Variants in ZSCAN5A observed in about 807,000 individuals in gnomAD.
The protein encoded by ZSCAN5A is zinc finger and SCAN domain-containing protein 5A.
ZSCAN5A carries 12 observed loss-of-function variants against 23.7 expected under a neutral mutation model. The ratio of observed to expected loss-of-function variants is 0.51; its 90% CI spans 0.32 to 0.82. ZSCAN5A has a LOEUF of 0.82. ZSCAN5A is among the 40% of genes least tolerant of loss of function. ZSCAN5A has a pLI of 0.03. For missense variants in ZSCAN5A, 597 were observed against 617.9 expected, an observed-to-expected ratio of 0.97 and a Z score of 0.36; for synonymous variants, 257 against 239.9, an observed-to-expected ratio of 1.07 and a Z score of -0.66.
intron 2 of ZSCAN5A, among the ~76,000 whole-genome samples, chr19:56,353,697 G>GC (rs1376240142): frequency 6.6e-6 from 1 of 152,118 alleles, no homozygotes; most frequent in Non-Finnish European, 1.5e-5. Context: ...CAGGAGAATG[G>GC]CATGAACCCG....
Position 56,327,539 on chromosome 19 carries a change from A to G in ZSCAN5A, c.-357-11271T>C, listed in dbSNP as rs536885295. Among the ~76,000 whole-genome samples the G allele has an allele frequency of 2.0e-5, 3 of 150,964 alleles. No homozygotes were observed. In the South Asian group the frequency reaches 6.2e-4, roughly 31 times the overall value. The stretch of plus-strand genomic sequence containing the variant: ...CATATAAGTCATACACATATTGAAT[A>G]TAAATATGCACATTATATTAAATGA... On this transcript the variant is annotated intron_variant, in intron 2 of 6. Transcript: ENST00000587340.
At chr19:56,237,579 G>A (rs1048286586) in intron 2 of ZSCAN5A, among the ~76,000 whole-genome samples, 4 of 152,048 alleles carry the variant, frequency 2.6e-5, no homozygotes, top group African/African-American at 4.8e-5. Context: ...TTCGCTGTAC[G>A]TTGAAGAGCA....
In ZSCAN5A at chr19:56,221,884, C is replaced by T. The variant is rs1159063289; in HGVS notation, c.1182G>A (p.Met394Ile). 1.2e-6 allele frequency: 2 copies of T among 1,614,036 alleles called. No individual in the cohort carries two copies. Among genetic ancestry groups the T allele is most frequent in the African/African-American group, 1.3e-5 (1 of 74,916 alleles). The change falls in exon 6 of 6, where the codon ATG (methionine) becomes ATA (isoleucine). Residue 394 changes from methionine to isoleucine, a missense_variant. Coordinates refer to ENST00000683990, the MANE Select transcript of ZSCAN5A (RefSeq NM_001322064.3). Reference sequence around the variant, plus strand: ...GGTGAAATTGGAGGCTAATAAGCTGCATGAAGCGCTTCCCACAGAGATTAC... The same window carrying T: ...GGTGAAATTGGAGGCTAATAAGCTGTATGAAGCGCTTCCCACAGAGATTAC... ...FQCNLCGKRF[M>I]QLISLQFHQR...
chr19:56,263,374 A>T (rs1322510310), intron 2 of ZSCAN5A: 2 of 152,158 alleles, frequency 1.3e-5, no homozygotes, highest in Non-Finnish European at 2.9e-5. Context: ...CTTTTCCGAA[A>T]GCCAGAGCTT....
At chr19:56,261,435 C>T (rs528696879) in intron 2 of ZSCAN5A, among the ~76,000 whole-genome samples, 1 of 152,242 alleles carries the variant, frequency 6.6e-6, no homozygotes, top group Admixed American at 6.5e-5. Context: ...TCCCTTAGCT[C>T]AGGGACATCT....
chr19:56,329,005 A>AAAAAT (rs1568754459), intron 2 of ZSCAN5A, among the ~76,000 whole-genome samples: 1 of 150,336 alleles, frequency 6.7e-6, no homozygotes, highest in African/African-American at 2.5e-5. Flanking sequence ...AAAAAAAAAA[A>AAAAAT]AAAATAAATA....
At chr19:56,243,718 T>C (rs915733194) in intron 2 of ZSCAN5A, among the ~76,000 whole-genome samples, 2 of 152,174 alleles carry the variant, frequency 1.3e-5, no homozygotes, top group African/African-American at 4.8e-5. Context: ...TTCCTGGAGA[T>C]CAGAATCCAG....
At chr19:56,342,612 C>A in intron 2 of ZSCAN5A, 1 of 446,800 alleles carries the variant, frequency 2.2e-6, no homozygotes. Flanking sequence ...ATCCTGCACT[C>A]TTCCTTGATT....
At chr19:56,326,586 T>G (rs2041436540) in intron 2 of ZSCAN5A, among the ~76,000 whole-genome samples, 1 of 152,084 alleles carries the variant, frequency 6.6e-6, no homozygotes, top group Non-Finnish European at 1.5e-5. Context: ...AGTATGTGGC[T>G]CTCTGTGCGT....
intron 2 of ZSCAN5A, among the ~76,000 whole-genome samples, chr19:56,303,479 G>C (rs1248475421): frequency 7.3e-6 from 1 of 137,416 alleles, no homozygotes; most frequent in Non-Finnish European, 1.6e-5. Flanking sequence ...AAAAATTAAA[G>C]TAAATAGAAA....
chr19:56,359,428 A>C (rs1454016883), intron 2 of ZSCAN5A, among the ~76,000 whole-genome samples: 2 of 152,236 alleles, frequency 1.3e-5, no homozygotes, highest in Non-Finnish European at 2.9e-5. Context: ...AAATTGAGGC[A>C]GTAATTAATA....
chr19:56,228,467 G>A, intron 2 of ZSCAN5A: 1 of 980,586 alleles, frequency 1.0e-6, no homozygotes. Flanking sequence ...GGAAATTAAT[G>A]TACTAAACAT....
chr19:56,302,564 C>G, intron 2 of ZSCAN5A, among the ~76,000 whole-genome samples: 3 of 88,444 alleles, frequency 3.4e-5, no homozygotes, highest in African/African-American at 1.2e-4. Flanking sequence ...TCCCTCCCCC[C>G]TTCCTTTTCT....
At chr19:56,226,254 GAGAC>G (rs2033920385) in intron 2 of ZSCAN5A, among the ~76,000 whole-genome samples, 2 of 152,148 alleles carry the variant, frequency 1.3e-5, no homozygotes, top group Admixed American at 6.5e-5. Flanking sequence ...GCAGAACAGA[GAGAC>G]AGCCAGGGAG....
intron 2 of ZSCAN5A, among the ~76,000 whole-genome samples, chr19:56,290,957 A>G (rs1406446396): frequency 2.0e-5 from 3 of 152,216 alleles, no homozygotes; most frequent in Non-Finnish European, 1.5e-5. Context: ...AATGTAGAAC[A>G]CAAGTTGAGA....
intron 2 of ZSCAN5A, chr19:56,263,686 A>C (rs2037271830): frequency 6.6e-6 from 1 of 152,202 alleles, no homozygotes; most frequent in South Asian, 2.1e-4. Flanking sequence ...AAAACATCTG[A>C]AAGAAGGGAG....
chr19:56,258,989 G>A (rs1403221154), intron 2 of ZSCAN5A, among the ~76,000 whole-genome samples: 1 of 152,118 alleles, frequency 6.6e-6, no homozygotes, highest in Non-Finnish European at 1.5e-5. Flanking sequence ...GAGAGAGCTG[G>A]TGGGTGGGCC....
intron 2 of ZSCAN5A, among the ~76,000 whole-genome samples, chr19:56,238,607 C>G (rs979334130): frequency 6.6e-6 from 1 of 151,898 alleles, no homozygotes; most frequent in African/African-American, 2.4e-5. Flanking sequence ...TTGCACCCAG[C>G]CAAGGTGAGT....
intron 2 of ZSCAN5A, among the ~76,000 whole-genome samples, chr19:56,237,150 C>T (rs776083996): frequency 2.0e-5 from 3 of 152,254 alleles, no homozygotes; most frequent in Non-Finnish European, 2.9e-5. Flanking sequence ...TAAACCTGTG[C>T]TTTCCTTACT....
Sources: gnomAD v4.1 joint callset for allele counts (sites outside exome capture counted in the v4.1 genomes callset) on GRCh38, gnomAD v4.1.1 for gene constraint, MANE v1.5 for transcripts, NCBI Gene and HGNC (gene_info 2026-07-23, HGNC 2026-07-21) for gene names.